Variants in FSTL5 observed in about 807,000 individuals in gnomAD.
FSTL5 encodes the protein follistatin like 5, also known as follistatin-related protein 5.
In FSTL5, 62 loss-of-function variants were observed where a neutral mutation model predicts 89.1. The observed-to-expected ratio is 0.70, with a 90% CI of 0.57 to 0.86. FSTL5 has a LOEUF of 0.86. FSTL5 is among the 40% of genes least tolerant of loss of function. The pLI, the probability that FSTL5 is intolerant of heterozygous loss-of-function variation, is 0.00. For synonymous variants in FSTL5, 383 were observed against 346.2 expected (o/e 1.11, Z -1.18); for missense variants, 1,057 against 1,001.6 (o/e 1.06, Z -0.75).
intron 7 of FSTL5, among the ~76,000 whole-genome samples, chr4:161,635,677 G>A (rs1735662453): frequency 6.6e-6 from 1 of 151,942 alleles, no homozygotes; most frequent in Non-Finnish European, 1.5e-5. Flanking sequence ...AGTAAAAGAG[G>A]GATGGCTATC....
chr4:161,869,606 TGTGA>T lies in FSTL5; in HGVS notation c.409+50794_409+50797del, dbSNP rs545860896. Among the ~76,000 whole-genome samples the T allele has an allele frequency of 1.9e-3, 288 of 152,272 alleles. 1 individual carries two copies. Among genetic ancestry groups the T allele is most frequent in the African/African-American group, 6.6e-3 (273 of 41,552 alleles). On this transcript the variant is annotated intron_variant, in intron 4 of 15. Transcript: ENST00000306100. Reference sequence around the variant, plus strand: ...TGAAGACCTTCCTGATTGTCACAATTGTGAGTGTTACTGGCATCTAATAGGTAGA... The same window carrying T: ...TGAAGACCTTCCTGATTGTCACAATTGTGTTACTGGCATCTAATAGGTAGA...
intron 10 of FSTL5, among the ~76,000 whole-genome samples, chr4:161,512,924 A>G (rs1407997158): frequency 1.3e-5 from 2 of 152,106 alleles, no homozygotes; most frequent in Non-Finnish European, 2.9e-5. Context: ...ATTTATAATG[A>G]TTGTTTTACT....
chr4:161,745,146 G>A (rs773815691), intron 6 of FSTL5, among the ~76,000 whole-genome samples: 4 of 152,006 alleles, frequency 2.6e-5, no homozygotes, highest in Non-Finnish European at 5.9e-5. Context: ...CTTGATTGAA[G>A]CTGATAAGTC....
intron 4 of FSTL5, among the ~76,000 whole-genome samples, chr4:161,833,676 C>T (rs955164395): frequency 6.6e-6 from 1 of 151,930 alleles, no homozygotes; most frequent in Non-Finnish European, 1.5e-5. Flanking sequence ...GGTTTAAAGT[C>T]TGTTTTATCA....
intron 3 of FSTL5, among the ~76,000 whole-genome samples, chr4:162,031,091 A>G (rs546109760): frequency 1.3e-5 from 2 of 152,292 alleles, no homozygotes; most frequent in South Asian, 4.1e-4. Context: ...CTGTAGGACT[A>G]TCTCATTTTT....
At chr4:161,992,858 AAAAATATATAT>A (rs1560957242) in intron 3 of FSTL5, among the ~76,000 whole-genome samples, 18 of 11,514 alleles carry the variant, frequency 1.6e-3, no homozygotes, top group Admixed American at 5.1e-3. Flanking sequence ...AAAAAAAAAA[AAAAATATATAT>A]ATATATATAT....
chr4:161,694,140 T>A (rs1040685521), intron 6 of FSTL5, among the ~76,000 whole-genome samples: 8 of 152,200 alleles, frequency 5.3e-5, no homozygotes, highest in Admixed American at 2.0e-4. Context: ...TGTTGTCTAA[T>A]CTTAACTATT....
chr4:161,395,893 C>T (rs2110889382), intron 15 of FSTL5, among the ~76,000 whole-genome samples: 1 of 152,102 alleles, frequency 6.6e-6, no homozygotes, highest in African/African-American at 2.4e-5. Context: ...TGAACTAATA[C>T]CTTAAATACT....
chr4:161,443,590 T>C (rs1448105990), intron 15 of FSTL5, among the ~76,000 whole-genome samples: 1 of 151,990 alleles, frequency 6.6e-6, no homozygotes, highest in Non-Finnish European at 1.5e-5. Flanking sequence ...GAAAAGTTGG[T>C]ATTTAATGCA....
At chr4:161,834,904 TC>T (rs1320536083) in intron 4 of FSTL5, among the ~76,000 whole-genome samples, 1 of 151,010 alleles carries the variant, frequency 6.6e-6, no homozygotes, top group Non-Finnish European at 1.5e-5. Flanking sequence ...TTCAATGCCA[TC>T]CCCATCAAGC....
chr4:161,949,157 ACT>A (rs1012187074), intron 3 of FSTL5, among the ~76,000 whole-genome samples: 2 of 151,032 alleles, frequency 1.3e-5, no homozygotes, highest in East Asian at 2.0e-4. Flanking sequence ...ACCTTCAAAT[ACT>A]CTCTGTTCTT....
At chr4:161,441,298 C>A (rs548238835) in intron 15 of FSTL5, among the ~76,000 whole-genome samples, 1 of 151,810 alleles carries the variant, frequency 6.6e-6, no homozygotes, top group African/African-American at 2.4e-5. Context: ...CAAATTAAAC[C>A]GAATGAACAA....
chr4:161,840,958 C>T (rs147758612), intron 4 of FSTL5, among the ~76,000 whole-genome samples: 16 of 152,232 alleles, frequency 1.1e-4, no homozygotes, highest in African/African-American at 3.1e-4. Flanking sequence ...ATAGAGATAG[C>T]GCTATTTCTC....
At chr4:162,054,426 T>C (rs1433532739) in intron 2 of FSTL5, among the ~76,000 whole-genome samples, 1 of 151,702 alleles carries the variant, frequency 6.6e-6, no homozygotes, top group Admixed American at 6.6e-5. Flanking sequence ...TTGCTGGCAA[T>C]TTCAAACATT....
At chr4:161,743,404 A>T (rs1740092150) in intron 6 of FSTL5, among the ~76,000 whole-genome samples, 1 of 152,194 alleles carries the variant, frequency 6.6e-6, no homozygotes, top group African/African-American at 2.4e-5. Flanking sequence ...CCATTGGTCT[A>T]CATATGTTTT....
chr4:161,397,040 T>C (rs537795953), intron 15 of FSTL5, among the ~76,000 whole-genome samples: 58 of 152,244 alleles, frequency 3.8e-4, no homozygotes, highest in African/African-American at 1.3e-3. Flanking sequence ...TTTACAAGTG[T>C]AGAAACTGTG....
At chr4:161,778,904 A>T (rs1304069207) in intron 4 of FSTL5, among the ~76,000 whole-genome samples, 1 of 152,202 alleles carries the variant, frequency 6.6e-6, no homozygotes, top group Non-Finnish European at 1.5e-5. Context: ...TCTGAAAAGG[A>T]TTATACACCA....
intron 2 of FSTL5, among the ~76,000 whole-genome samples, chr4:162,102,104 T>C (rs1731018425): frequency 6.6e-6 from 1 of 152,086 alleles, no homozygotes. Context: ...ATTGTTATTC[T>C]TTAGCTAATT....
At chr4:161,749,684 C>G (rs977051147) in intron 6 of FSTL5, among the ~76,000 whole-genome samples, 5 of 151,562 alleles carry the variant, frequency 3.3e-5, no homozygotes, top group African/African-American at 1.2e-4. Flanking sequence ...CCCAGCTACT[C>G]GGGAGGCTGA....
Sources: gnomAD v4.1 joint callset for allele counts (sites outside exome capture counted in the v4.1 genomes callset) on GRCh38, gnomAD v4.1.1 for gene constraint, MANE v1.5 for transcripts, NCBI Gene and HGNC (gene_info 2026-07-23, HGNC 2026-07-21) for gene names.